COQ9: variants seen among roughly 807,000 people sequenced by gnomAD.
COQ9 encodes coenzyme Q9.
A neutral mutation model predicts 42.4 loss-of-function variants in COQ9; 35 were observed. That is an observed-to-expected ratio of 0.83 (90% CI 0.63 to 1.10). COQ9 has a LOEUF of 1.10. Among genes scored for constraint, COQ9 ranks in the 50% least tolerant of loss-of-function variants. COQ9 has a pLI of 0.00. For synonymous variants in COQ9, 155 were observed against 155.1 expected, an observed-to-expected ratio of 1.00 and a Z score of 0.00; for missense variants, 406 against 414.6, an observed-to-expected ratio of 0.98 and a Z score of 0.18.
chr16:57,450,437 T>G (rs1293522420), intron 1 of COQ9, among the ~76,000 whole-genome samples: 1 of 150,980 alleles, frequency 6.6e-6, no homozygotes, highest in African/African-American at 2.4e-5. Flanking sequence ...AAAAGAAAAT[T>G]TTTAGAATAA....
intron 3 of COQ9, chr16:57,453,311 A>T: frequency 3.1e-6 from 1 of 326,234 alleles, no homozygotes; most frequent in Non-Finnish European, 5.9e-6. Flanking sequence ...TGTGATTCAC[A>T]CTGATTTTTT....
chr16:57,456,484 TTC>T lies in COQ9; in HGVS notation c.379-18_379-17del. On this transcript the variant is annotated intron_variant, in intron 3 of 8. Transcript: ENST00000262507. Reference sequence around the variant, plus strand: ...TACACTTGGGCACCGCTTTTCTGTTTTCTGTCTCCCCTTTTGTAGTCTCTGGG... The same window carrying T: ...TACACTTGGGCACCGCTTTTCTGTTTTGTCTCCCCTTTTGTAGTCTCTGGG... The T allele has an allele frequency of 6.2e-7, 1 of 1,614,096 alleles. No homozygotes were observed. Among genetic ancestry groups the T allele is most frequent in the Non-Finnish European group, 8.5e-7 (1 of 1,180,004 alleles).
chr16:57,460,041 C>T lies in COQ9; in HGVS notation c.868-10C>T. The T allele has an allele frequency of 6.2e-7, 1 of 1,613,994 alleles. No individual in the cohort carries two copies. Among genetic ancestry groups the T allele is most frequent in the Non-Finnish European group, 8.5e-7 (1 of 1,179,934 alleles). Reference sequence around the variant, plus strand: ...GTGGCCTAAGGGAACCTGACACTGACTCCTTCTAGGTAAAGTCCACAGGAG... The same window carrying T: ...GTGGCCTAAGGGAACCTGACACTGATTCCTTCTAGGTAAAGTCCACAGGAG... On this transcript the variant is annotated splice_polypyrimidine_tract_variant and intron_variant, in intron 7 of 8. Transcript: ENST00000262507.
rs951231455 is a variant in COQ9 at position 57,460,811 on chromosome 16, G to A, written c.*187G>A. ...GATGCTACCGTTCTGGTCAGGGATT[G>A]GGCTGCTTCTTCAGTTCCTAATACC... On this transcript the variant is annotated 3_prime_UTR_variant, in exon 9 of 9. Transcript: ENST00000262507. 9 of 621,464 alleles carry A rather than the reference G, an allele frequency of 1.4e-5. No homozygotes were observed. In the African/African-American group the frequency reaches 1.7e-4, roughly 11 times the overall value. The allele number at this position is 621,464 out of a possible 1,614,324, so 38.5% of individuals were successfully genotyped here.
At chr16:57,455,156 C>T (rs1269629783) in intron 3 of COQ9, among the ~76,000 whole-genome samples, 1 of 151,670 alleles carries the variant, frequency 6.6e-6, no homozygotes, top group Non-Finnish European at 1.5e-5. Context: ...AGGATGGCAC[C>T]AGAGTTGCAA....
intron 5 of COQ9, chr16:57,457,514 AT>A: frequency 3.6e-6 from 1 of 275,624 alleles, no homozygotes; most frequent in Non-Finnish European, 7.1e-6. Context: ...ATATCACAGT[AT>A]GGGCCATTCT....
intron 5 of COQ9, chr16:57,457,240 C>G: frequency 1.6e-6 from 1 of 622,338 alleles, no homozygotes; most frequent in Non-Finnish European, 3.0e-6. Flanking sequence ...GTGAGTGGTC[C>G]GGGTACTGGA....
At chr16:57,451,343 T>C in intron 2 of COQ9, 135 bp downstream of exon 2, 2 of 1,076,422 alleles carry the variant, frequency 1.9e-6, no homozygotes, top group Non-Finnish European at 2.8e-6. Flanking sequence ...TTTAGAATTT[T>C]TTATTTTTTG....
At chr16:57,453,000 G>C in intron 3 of COQ9, 64 bp downstream of exon 3, 1 of 1,602,754 alleles carries the variant, frequency 6.2e-7, no homozygotes, top group Non-Finnish European at 8.5e-7. Context: ...ACACCAGGCA[G>C]AGCGGGGGGC....
intron 2 of COQ9, 92 bp from the exon 3 acceptor site, chr16:57,452,709 G>A (rs748233478): frequency 2.3e-5 from 33 of 1,409,314 alleles, no homozygotes; most frequent in African/African-American, 2.3e-4. Context: ...CCCAGCATGT[G>A]CTTAGAGGAG....
rs1420843872 is a variant in COQ9, at chr16:57,456,570, T to A, written c.445T>A (p.Phe149Ile). 6.2e-7 allele frequency: 1 copy of A among 1,614,156 alleles called. No individual in the cohort carries two copies. The highest frequency in any genetic ancestry group is 8.5e-7 in the Non-Finnish European group (1 of 1,180,014). The change falls in exon 4 of 9, where the codon TTT becomes ATT. Residue 149 changes from phenylalanine to isoleucine, a missense_variant. By Grantham distance (21) the Phe-to-Ile change is conservative. Transcript: ENST00000262507. ...GKDGSELILH[F>I]VTQCNTRLTR... ...GGATGGCAGTGAGCTAATACTGCATTTTGTGACCCAGTGCAATACCCGGCT... is the reference window on the plus strand; with the variant it reads ...GGATGGCAGTGAGCTAATACTGCATATTGTGACCCAGTGCAATACCCGGCT...
chr16:57,459,967 C>T lies in COQ9; in HGVS notation c.868-84C>T, dbSNP rs993812408. On this transcript the variant is annotated intron_variant, in intron 7 of 8. Coordinates refer to ENST00000262507, the MANE Select transcript of COQ9 (RefSeq NM_020312.4). The stretch of plus-strand genomic sequence containing the variant: ...CCCCTTGTCTTCACCTTTTGGGGCT[C>T]ATAGGCCTCCTGATTTGTCCTGCCT... 95 of 1,347,598 alleles carry T rather than the reference C, an allele frequency of 7.0e-5. 1 individual carries two copies. The highest frequency in any genetic ancestry group is 9.1e-5 in the Non-Finnish European group (86 of 941,820). 83.5% of individuals were successfully genotyped at this position (1,347,598 alleles called of 1,614,324 possible).
chr16:57,450,935 C>A, intron 1 of COQ9, 105 bp from the exon 2 acceptor site: 1 of 1,240,316 alleles, frequency 8.1e-7, no homozygotes, highest in Non-Finnish European at 1.2e-6. Flanking sequence ...AGTGGTTCTA[C>A]AGGAGTCTCT....
In COQ9 at chr16:57,451,563, A is replaced by T. The variant is rs551228929; in HGVS notation, c.242+355A>T. Among the ~76,000 whole-genome samples the T allele has an allele frequency of 9.2e-5, 14 of 152,368 alleles. No homozygotes were observed. The South Asian group carries it at 2.9e-3, about 32-fold the overall frequency. Reference sequence around the variant, plus strand: ...TAAACAGTATAGAGAAGTTCACAAAAATAAAGCAGTTTTATCCAAAATTAC... The same window carrying T: ...TAAACAGTATAGAGAAGTTCACAAATATAAAGCAGTTTTATCCAAAATTAC... On this transcript the variant is annotated intron_variant, in intron 2 of 8. Coordinates refer to ENST00000262507, the MANE Select transcript of COQ9 (RefSeq NM_020312.4).
chr16:57,447,683 A>G, intron 1 of COQ9, 105 bp downstream of exon 1: 1 of 1,007,204 alleles, frequency 9.9e-7, no homozygotes, highest in Non-Finnish European at 1.3e-6. Flanking sequence ...GGGGCGGCCC[A>G]CGAGCAAGGT....
At chr16:57,449,800 A>G (rs559510994) in intron 1 of COQ9, among the ~76,000 whole-genome samples, 1 of 152,310 alleles carries the variant, frequency 6.6e-6, no homozygotes, top group South Asian at 2.1e-4. Context: ...CTGAAAAGGC[A>G]TAAGGGAACT....
Position 57,456,910 on chromosome 16 carries a change from GTTTTC to G in COQ9, c.522-15_522-11del, listed in dbSNP as rs761557758. On this transcript the variant is annotated splice_polypyrimidine_tract_variant and intron_variant, in intron 4 of 8. Transcript: ENST00000262507. Reference sequence around the variant, plus strand: ...CCTGCCTTTCACTCAGAGACACACTGTTTTCTTTTCCCTCTTCCAGGAAGAGGAAG... The same window carrying G: ...CCTGCCTTTCACTCAGAGACACACTGTTTTCCCTCTTCCAGGAAGAGGAAG... The G allele has an allele frequency of 6.2e-7, 1 of 1,604,922 alleles. No individual in the cohort carries two copies. Among genetic ancestry groups the G allele is most frequent in the Non-Finnish European group, 8.5e-7 (1 of 1,171,670 alleles).
chr16:57,447,952 C>T, intron 1 of COQ9: 1 of 193,740 alleles, frequency 5.2e-6, no homozygotes, highest in Non-Finnish European at 1.0e-5. Flanking sequence ...CACAGAGAGC[C>T]TAGTCCATTG....
chr16:57,460,933 C>G lies in COQ9; in HGVS notation c.*309C>G. Reference sequence around the variant, plus strand: ...CAAGCCACAGAAACCCAGCATGTCCCTGTCACAATCTCATGGGCACCTTGA... The same window carrying G: ...CAAGCCACAGAAACCCAGCATGTCCGTGTCACAATCTCATGGGCACCTTGA... On this transcript the variant is annotated 3_prime_UTR_variant, in exon 9 of 9. Coordinates refer to ENST00000262507, the MANE Select transcript of COQ9 (RefSeq NM_020312.4). 2.5e-6 allele frequency: 1 copy of G among 406,028 alleles called. No homozygotes were observed. Among genetic ancestry groups the G allele is most frequent in the Non-Finnish European group, 4.7e-6 (1 of 213,600 alleles). 25.2% of individuals were successfully genotyped at this position (406,028 alleles called of 1,614,324 possible). A position where few individuals can be genotyped will look rare whatever the true frequency, so the allele number is the denominator to read the frequency against.
Sources: allele counts gnomAD v4.1 joint callset (sites outside exome capture counted in the v4.1 genomes callset), GRCh38; gene constraint gnomAD v4.1.1; transcripts MANE v1.5; gene names NCBI Gene and HGNC (gene_info 2026-07-23, HGNC 2026-07-21).